The following ST6GALNAC6 variants were observed in gnomAD, a reference collection of about 807,000 sequenced individuals.
ST6GALNAC6 encodes ST6 N-acetylgalactosaminide alpha-2,6-sialyltransferase 6.
Under a neutral mutation model 34.3 loss-of-function variants are expected in ST6GALNAC6, and 19 were observed. The ratio of observed to expected loss-of-function variants is 0.55; its 90% CI spans 0.39 to 0.81. The LOEUF is 0.81. Among genes scored for constraint, ST6GALNAC6 ranks in the 40% least tolerant of loss-of-function variants. ST6GALNAC6 has a pLI of 0.00. For missense variants in ST6GALNAC6, 377 were observed against 467.7 expected (o/e 0.81, Z 1.79); for synonymous variants, 185 against 182.1 (o/e 1.02, Z -0.13).
intron 2 of ST6GALNAC6, chr9:127,897,315 T>G (rs1830525391): frequency 2.0e-6 from 2 of 985,750 alleles, no homozygotes; most frequent in Non-Finnish European, 2.4e-6. Flanking sequence ...CCTCCTCAGC[T>G]CCGTCCCCTG....
At chr9:127,901,915 T>C (rs150072756), upstream of ST6GALNAC6, among the ~76,000 whole-genome samples, 1,599 of 151,872 alleles carry the variant, frequency 0.011, 25 homozygotes, top group African/African-American at 0.028. Flanking sequence ...CTGGTGACAG[T>C]GCGAGACTCC....
In ST6GALNAC6 at chr9:127,890,316, G is replaced by C. The variant is rs1830060260; in HGVS notation, c.704+321C>G. Among the ~76,000 whole-genome samples, 2 of 152,120 alleles carry C rather than the reference G, an allele frequency of 1.3e-5. No homozygotes were observed. ...CAAGACTTTACATTGGGTACACTAT[G>C]GGGAGCTTCTCTCAGAAAGATGCTA... On this transcript the variant is annotated intron_variant, in intron 5 of 6. Coordinates refer to ENST00000373146, the MANE Select transcript of ST6GALNAC6 (RefSeq NM_013443.5). The surrounding 1 kb of genome is among the most constrained non-coding windows in gnomAD (Gnocchi z 4.3).
chr9:127,900,596 A>T (rs565298334), upstream of ST6GALNAC6, among the ~76,000 whole-genome samples: 165 of 145,238 alleles, frequency 1.1e-3, no homozygotes, highest in African/African-American at 4.0e-3. Flanking sequence ...AGAAGGATGC[A>T]GGTCAGTATG....
At chr9:127,894,720 C>A in intron 3 of ST6GALNAC6, 29 bp from the exon 4 acceptor site, 2 of 1,576,168 alleles carry the variant, frequency 1.3e-6, no homozygotes, top group East Asian at 4.6e-5. Context: ...AGTGAGGGCC[C>A]AGCTGCCGGG....
At chr9:127,896,464 T>C in intron 2 of ST6GALNAC6, 132 bp from the exon 3 acceptor site, 1 of 749,216 alleles carries the variant, frequency 1.3e-6, no homozygotes, top group East Asian at 2.9e-5. Flanking sequence ...GTATCCCTTT[T>C]GCAGACGGAG....
At position 127,886,440 on chromosome 9, in the gene ST6GALNAC6, C is replaced by T; in HGVS notation, c.*159G>A. On this transcript the variant is annotated 3_prime_UTR_variant, in exon 7 of 7. Coordinates refer to ENST00000373146, the MANE Select transcript of ST6GALNAC6 (RefSeq NM_013443.5). ...ATCCCTGATTCGCCAACAGATTCCC[C>T]AGGCCCTGATTGGCTGGAGGATACA... 2 of 1,444,240 alleles carry T rather than the reference C, an allele frequency of 1.4e-6. No homozygotes were observed. The highest frequency in any genetic ancestry group is 1.5e-5 in the South Asian group (1 of 68,250). The allele number at this position is 1,444,240 out of a possible 1,614,324, so 89.5% of individuals were successfully genotyped here.
chr9:127,894,695 G>C lies in ST6GALNAC6; in HGVS notation c.118-4C>G. 6.2e-7 allele frequency: 1 copy of C among 1,613,350 alleles called. No individual in the cohort carries two copies. Among genetic ancestry groups the C allele is most frequent in the East Asian group, 2.2e-5 (1 of 44,854 alleles). ...CGAACACTGCTGACCGCTGCTCCTG[G>C]AGAGAGGAGAGGTCAGTGAGGGCCC... is the stretch of plus-strand genomic sequence containing the variant. On this transcript the variant is annotated splice_polypyrimidine_tract_variant and splice_region_variant and intron_variant, in intron 3 of 6. Transcript: ENST00000373146.
Position 127,885,522 on chromosome 9 carries a change from C to T in ST6GALNAC6, c.*1077G>A, listed in dbSNP as rs1207651525. 3.3e-5 allele frequency: 5 copies of T among 152,420 alleles called. No individual in the cohort carries two copies. The highest frequency in any genetic ancestry group is 1.2e-4 in the African/African-American group (5 of 41,416). 9.4% of individuals were successfully genotyped at this position (152,420 alleles called of 1,614,324 possible). Reference sequence around the variant, plus strand: ...GGAGACAAACACACCCCACTGAGGCCCAGCTTTAATAAAGTGCCTGATACA... The same window carrying T: ...GGAGACAAACACACCCCACTGAGGCTCAGCTTTAATAAAGTGCCTGATACA... On this transcript the variant is annotated 3_prime_UTR_variant, in exon 7 of 7. Transcript: ENST00000373146.
At chr9:127,886,876 C>T (rs1829796649) in intron 6 of ST6GALNAC6, 88 bp from the exon 7 acceptor site, 1 of 1,347,866 alleles carries the variant, frequency 7.4e-7, no homozygotes, top group African/African-American at 1.5e-5. Flanking sequence ...CATAGGACCT[C>T]AATAGGAGAA....
Position 127,886,429 on chromosome 9 carries a change from A to C in ST6GALNAC6, c.*170T>G, listed in dbSNP as rs1564480250. On this transcript the variant is annotated 3_prime_UTR_variant, in exon 7 of 7. Coordinates refer to ENST00000373146, the MANE Select transcript of ST6GALNAC6 (RefSeq NM_013443.5). ...TAGACTCCCAAATCCCTGATTCGCCAACAGATTCCCCAGGCCCTGATTGGC... is the reference window on the plus strand; with the variant it reads ...TAGACTCCCAAATCCCTGATTCGCCCACAGATTCCCCAGGCCCTGATTGGC... 2 of 1,440,842 alleles carry C rather than the reference A, an allele frequency of 1.4e-6. No homozygotes were observed. Among genetic ancestry groups the C allele is most frequent in the Non-Finnish European group, 9.1e-7 (1 of 1,099,350 alleles). 89.3% of individuals were successfully genotyped at this position (1,440,842 alleles called of 1,614,324 possible). A position where few individuals can be genotyped will look rare whatever the true frequency, so the allele number is the denominator to read the frequency against.
At chr9:127,906,319 T>C (rs1049126062), upstream of ST6GALNAC6, among the ~76,000 whole-genome samples, 9 of 151,952 alleles carry the variant, frequency 5.9e-5, no homozygotes, top group African/African-American at 1.9e-4. Flanking sequence ...AGCATTAGCA[T>C]AGGGCCCTGA....
Position 127,886,731 on chromosome 9 carries a change from G to T in ST6GALNAC6, c.870C>A (p.Asp290Glu). The change falls in exon 7 of 7, where the codon GAC becomes GAA. Residue 290 changes from aspartate (D) to glutamate (E), a missense_variant. By Grantham distance (45) the Asp-to-Glu change is conservative (BLOSUM62 2). Coordinates refer to ENST00000373146, the MANE Select transcript of ST6GALNAC6 (RefSeq NM_013443.5). Reference protein sequence around the residue: ...PYHYYEPKGPDECVTYIQNEH... With the variant: ...PYHYYEPKGPEECVTYIQNEH... ...CATTCTGGATGTAGGTGACACATTC[G>T]TCCGGCCCCTTGGGCTCGTAGTAGT... The T allele has an allele frequency of 1.2e-6, 2 of 1,613,788 alleles. No individual in the cohort carries two copies. The highest frequency in any genetic ancestry group is 1.1e-5 in the South Asian group (1 of 91,084).
chr9:127,889,834 T>A (rs945277517), intron 5 of ST6GALNAC6, among the ~76,000 whole-genome samples: 1 of 152,212 alleles, frequency 6.6e-6, no homozygotes, highest in African/African-American at 2.4e-5. Flanking sequence ...AGCTCCAAAA[T>A]TTTTTAAATA....
intron 4 of ST6GALNAC6, 58 bp downstream of exon 4, chr9:127,894,441 TAGGAAAGAACAGG>T: frequency 6.4e-7 from 1 of 1,552,296 alleles, no homozygotes; most frequent in Non-Finnish European, 8.7e-7. Context: ...ACCTTTCCTT[TAGGAAAGAACAGG>T]TGGAGGGAGT....
At chr9:127,894,346 A>C (rs896204049) in intron 4 of ST6GALNAC6, among the ~76,000 whole-genome samples, 166 bp downstream of exon 4, 7 of 152,168 alleles carry the variant, frequency 4.6e-5, no homozygotes, top group African/African-American at 1.4e-4. Flanking sequence ...ACTGAGGCCC[A>C]GACAGGGGCA....
At chr9:127,897,873 G>A (rs941218427) in intron 2 of ST6GALNAC6, 83 bp downstream of exon 2, 50 of 1,602,282 alleles carry the variant, frequency 3.1e-5, no homozygotes, top group Non-Finnish European at 4.1e-5. Flanking sequence ...CCCCTGGTCC[G>A]CCCCGTCACA....
chr9:127,899,472 CGCGGCCT>C (rs1830666261), intron 1 of ST6GALNAC6, 24 bp downstream of exon 1: 1 of 958,308 alleles, frequency 1.0e-6, no homozygotes, highest in African/African-American at 1.8e-5. Flanking sequence ...CCCCCGCCCC[CGCGGCCT>C]GCTCCCGCGC....
In ST6GALNAC6 at chr9:127,886,140, A is replaced by C; in HGVS notation, c.*459T>G. On this transcript the variant is annotated 3_prime_UTR_variant, in exon 7 of 7. Coordinates refer to ENST00000373146, the MANE Select transcript of ST6GALNAC6 (RefSeq NM_013443.5). ...CCACAAATTCTCTGGCCGGGCCTCC[A>C]GACAGCTTCTACCCCCACACAATCT... 1 of 198,780 alleles carries C rather than the reference A, an allele frequency of 5.0e-6. No individual in the cohort carries two copies. Among genetic ancestry groups the C allele is most frequent in the Non-Finnish European group, 1.0e-5 (1 of 98,796 alleles). The allele number at this position is 198,780 out of a possible 1,614,324, so 12.3% of individuals were successfully genotyped here.
upstream of ST6GALNAC6, among the ~76,000 whole-genome samples, chr9:127,902,750 G>A (rs1830802158): frequency 6.7e-6 from 1 of 150,314 alleles, no homozygotes; most frequent in South Asian, 2.1e-4. Flanking sequence ...TACCACGCTC[G>A]GCTAATTTTG....
Sources: gnomAD v4.1 joint callset for allele counts (sites outside exome capture counted in the v4.1 genomes callset) on GRCh38, gnomAD v4.1.1 for gene constraint, Gnocchi (gnomAD v3.1) non-coding constraint, MANE v1.5 for transcripts, NCBI Gene and HGNC (gene_info 2026-07-23, HGNC 2026-07-21) for gene names.